ZC4H2: variants seen among roughly 807,000 people sequenced by gnomAD.
ZC4H2 encodes zinc finger C4H2 domain-containing protein.
For synonymous variants in ZC4H2, 84 were observed against 66.3 expected, an observed-to-expected ratio of 1.27 and a Z score of -1.30; for missense variants, 137 against 173.9, an observed-to-expected ratio of 0.79 and a Z score of 1.19.
At chrX:64,940,197 T>A (rs758410030) in intron 1 of ZC4H2, among the ~76,000 whole-genome samples, 1 of 112,170 alleles carries the variant, frequency 8.9e-6, no homozygotes, top group East Asian at 2.8e-4. Context: ...GTTGGCCACA[T>A]AAATGTCTTC....
chrX:64,934,677 C>A (rs1047796632), intron 1 of ZC4H2, among the ~76,000 whole-genome samples: 2 of 111,932 alleles, frequency 1.8e-5, no homozygotes, highest in Non-Finnish European at 3.8e-5. Flanking sequence ...ACAGTGGGTG[C>A]AGACCAAGAA....
At chrX:65,020,147 G>T (rs1160663128) in intron 1 of ZC4H2, among the ~76,000 whole-genome samples, 1 of 112,019 alleles carries the variant, frequency 8.9e-6, no homozygotes, top group African/African-American at 3.2e-5. Context: ...CCCCAACCTA[G>T]CAAGGCAGGC....
intron 1 of ZC4H2, among the ~76,000 whole-genome samples, chrX:64,990,086 T>C (rs1361955585): frequency 1.8e-5 from 2 of 112,352 alleles, no homozygotes; most frequent in Non-Finnish European, 3.8e-5. Flanking sequence ...TATACATATT[T>C]ATAGTAGTTT....
intron 1 of ZC4H2, among the ~76,000 whole-genome samples, chrX:64,928,958 G>A (rs181114636): frequency 4.9e-4 from 50 of 101,536 alleles, no homozygotes; most frequent in African/African-American, 1.7e-3. Context: ...ACATGATCTC[G>A]GCTCACTGCA....
intron 1 of ZC4H2, among the ~76,000 whole-genome samples, chrX:64,926,891 G>A (rs1929444516): frequency 9.0e-6 from 1 of 111,506 alleles, no homozygotes; most frequent in African/African-American, 3.3e-5. Context: ...ATGGATATGT[G>A]CAAATTTTGG....
Position 64,917,497 on chromosome X carries a change from C to A in ZC4H2, c.*286G>T, listed in dbSNP as rs1928986354. 1 of 266,464 alleles carries A rather than the reference C, an allele frequency of 3.8e-6. No individual in the cohort carries two copies. Among genetic ancestry groups the A allele is most frequent in the South Asian group, 6.6e-5 (1 of 15,257 alleles). 22.0% of individuals were successfully genotyped at this position (266,464 alleles called of 1,213,427 possible). A position where few individuals can be genotyped will look rare whatever the true frequency, so the allele number is the denominator to read the frequency against. On this transcript the variant is annotated 3_prime_UTR_variant, in exon 5 of 5. Transcript: ENST00000374839. The stretch of plus-strand genomic sequence containing the variant: ...CAAGAGATAGAGAATCATATCTGAG[C>A]CTTTTGCCCTTCCCTTAGCTCCAAA...
At chrX:64,976,531 A>C (rs1329115806), upstream of ZC4H2, 13 of 533,240 alleles carry the variant, frequency 2.4e-5, no homozygotes, top group East Asian at 3.5e-4. Flanking sequence ...CCGGAGCTTC[A>C]GGGCCAGCCA....
chrX:64,930,572 T>C (rs1158271541), intron 1 of ZC4H2, among the ~76,000 whole-genome samples: 1 of 111,717 alleles, frequency 9.0e-6, no homozygotes, highest in Non-Finnish European at 1.9e-5. Flanking sequence ...AGTGTTTTTA[T>C]AAAAAAGGGA....
intron 1 of ZC4H2, 43 bp downstream of exon 1, chrX:64,976,282 A>C (rs1160212893): frequency 2.1e-5 from 25 of 1,184,491 alleles, no homozygotes; most frequent in Non-Finnish European, 2.9e-5. Flanking sequence ...TCCCGCAACG[A>C]AGGGTTGGAG....
chrX:65,002,409 C>A (rs1290226891), intron 1 of ZC4H2, among the ~76,000 whole-genome samples: 1 of 108,901 alleles, frequency 9.2e-6, no homozygotes, highest in Non-Finnish European at 1.9e-5. Context: ...GGGGGTCAGC[C>A]CCCGCCCGGC....
Position 64,993,926 on chromosome X carries a change from T to C in ZC4H2, c.-272+40703A>G, listed in dbSNP as rs762779004. On this transcript the variant is annotated intron_variant, in intron 1 of 4. Transcript: ENST00000337990. ...ATGAGGAAACTCAGATGCAAATAGG[T>C]GAAGTAAATTTGCCAAAACCACTTA... 4.3e-3 allele frequency among the ~76,000 whole-genome samples: 479 copies of C among 112,071 alleles called. 3 individuals carry two copies. Among genetic ancestry groups the C allele is most frequent in the Non-Finnish European group, 6.2e-3 (331 of 53,217 alleles).
chrX:64,988,760 C>T (rs974331693), intron 1 of ZC4H2, among the ~76,000 whole-genome samples: 9 of 111,100 alleles, frequency 8.1e-5, no homozygotes, highest in African/African-American at 2.9e-4. Flanking sequence ...GCTTTTGTTG[C>T]CATTGCTTTT....
intron 1 of ZC4H2, among the ~76,000 whole-genome samples, chrX:64,964,008 T>A (rs1405915126): frequency 9.1e-6 from 1 of 109,984 alleles, no homozygotes; most frequent in Non-Finnish European, 1.9e-5. Context: ...AAGCAGAGAG[T>A]AGAATGGCAG....
chrX:64,967,904 G>C (rs761608842), intron 1 of ZC4H2, among the ~76,000 whole-genome samples: 1 of 111,717 alleles, frequency 9.0e-6, no homozygotes, highest in Admixed American at 9.5e-5. Flanking sequence ...ATTCTGCTTT[G>C]GCCATAAGCG....
intron 1 of ZC4H2, among the ~76,000 whole-genome samples, chrX:65,009,263 G>A (rs950810957): frequency 1.8e-5 from 2 of 111,559 alleles, no homozygotes; most frequent in African/African-American, 3.3e-5. Context: ...CCTGCCACAC[G>A]GATGAGTGCA....
intron 1 of ZC4H2, among the ~76,000 whole-genome samples, chrX:65,024,624 C>A (rs1214718457): frequency 9.0e-6 from 1 of 111,463 alleles, no homozygotes; most frequent in Admixed American, 9.6e-5. Context: ...ATTCACAATA[C>A]CGAAGACATG....
At chrX:65,021,853 G>A (rs749447724) in intron 1 of ZC4H2, among the ~76,000 whole-genome samples, 34 of 111,219 alleles carry the variant, frequency 3.1e-4, no homozygotes, top group Middle Eastern at 4.7e-3. Context: ...TATCACCACC[G>A]ATCCCACAGA....
At chrX:65,010,667 A>G (rs181292352) in intron 1 of ZC4H2, among the ~76,000 whole-genome samples, 2 of 112,129 alleles carry the variant, frequency 1.8e-5, no homozygotes, top group Admixed American at 1.9e-4. Context: ...TTTATCTTTT[A>G]GACTGAGTAT....
chrX:65,010,309 G>A (rs1218103786), intron 1 of ZC4H2, among the ~76,000 whole-genome samples: 4 of 112,358 alleles, frequency 3.6e-5, no homozygotes, highest in Non-Finnish European at 7.5e-5. Flanking sequence ...ACACTCAGAT[G>A]TGCAAACATT....
Sources: gnomAD v4.1 joint callset for allele counts (sites outside exome capture counted in the v4.1 genomes callset) on GRCh38, gnomAD v4.1.1 for gene constraint, MANE v1.5 for transcripts, NCBI Gene and HGNC (gene_info 2026-07-23, HGNC 2026-07-21) for gene names.